Variants in CACNA2D1 observed in about 807,000 individuals in gnomAD.
CACNA2D1 encodes the protein voltage-dependent calcium channel subunit alpha-2/delta-1.
CACNA2D1 carries 53 observed loss-of-function variants against 171.5 expected under a neutral mutation model. The observed-to-expected ratio is 0.31, with a 90% CI of 0.25 to 0.39. CACNA2D1 has a LOEUF of 0.39. Among genes scored for constraint, CACNA2D1 ranks in the 10% least tolerant of loss-of-function variants. The pLI, the probability that CACNA2D1 is intolerant of heterozygous loss-of-function variation, is 1.00. For missense variants in CACNA2D1, 903 were observed against 1,299.8 expected, an observed-to-expected ratio of 0.69 and a Z score of 4.69; for synonymous variants, 442 against 443.1, an observed-to-expected ratio of 1.00 and a Z score of 0.03.
intron 4 of CACNA2D1, among the ~76,000 whole-genome samples, chr7:82,167,537 G>A (rs3801725): frequency 0.28 from 42,726 of 151,830 alleles, 6,089 homozygotes; most frequent in Middle Eastern, 0.35. Flanking sequence ...TATTCTCCAA[G>A]CACAAAAACG....
At chr7:82,333,426 G>T (rs1183855623) in intron 3 of CACNA2D1, among the ~76,000 whole-genome samples, 1 of 152,036 alleles carries the variant, frequency 6.6e-6, no homozygotes, top group African/African-American at 2.4e-5. Flanking sequence ...CTTCCACATG[G>T]CTGGGAAGGC....
At chr7:82,391,536 G>A (rs952267312) in intron 1 of CACNA2D1, among the ~76,000 whole-genome samples, 2 of 152,146 alleles carry the variant, frequency 1.3e-5, no homozygotes, top group Non-Finnish European at 2.9e-5. Context: ...ATAGGATATA[G>A]CCCAAAAATG....
chr7:82,366,600 AT>A (rs1454522407), intron 1 of CACNA2D1, among the ~76,000 whole-genome samples: 1 of 146,582 alleles, frequency 6.8e-6, no homozygotes, highest in Non-Finnish European at 1.5e-5. Context: ...CAGGTATCAC[AT>A]TTCTCTATCC....
chr7:82,185,427 A>T (rs66512672), intron 3 of CACNA2D1, among the ~76,000 whole-genome samples: 44,947 of 135,124 alleles, frequency 0.33, 8,129 homozygotes, highest in East Asian at 0.47. Flanking sequence ...TCAATAAGAA[A>T]AATAAATATC....
chr7:82,374,856 T>C (rs1409357950), intron 1 of CACNA2D1, among the ~76,000 whole-genome samples: 2 of 151,910 alleles, frequency 1.3e-5, no homozygotes, highest in African/African-American at 4.8e-5. Flanking sequence ...ATATGTAGAT[T>C]GTATCTGCTG....
intron 16 of CACNA2D1, among the ~76,000 whole-genome samples, chr7:82,006,981 CTT>C (rs1245448867): frequency 6.6e-6 from 1 of 152,014 alleles, no homozygotes; most frequent in Non-Finnish European, 1.5e-5. Context: ...TTAAAAAAGT[CTT>C]AACTTCAAAA....
Position 82,032,887 on chromosome 7 carries a change from T to C in CACNA2D1, c.1053A>G (p.Arg351=). The change falls in exon 12 of 39, where the codon AGA becomes AGG. Residue 351 remains arginine (R), a synonymous_variant. Coordinates refer to ENST00000356860, the MANE Select transcript of CACNA2D1 (RefSeq NM_000722.4). ...FEQLLNYNVS[R]ANCNKIIMLF... is the part of the protein sequence containing the mutation. ...GCATAATAATCTTATTGCAGTTTGC[T>C]CTGGAAACATTATACTGTTAAAAAC... 1 of 1,585,424 alleles carries C rather than the reference T, an allele frequency of 6.3e-7. No homozygotes were observed.
At chr7:82,358,679 T>A (rs986687784) in intron 1 of CACNA2D1, among the ~76,000 whole-genome samples, 1 of 151,936 alleles carries the variant, frequency 6.6e-6, no homozygotes, top group Admixed American at 6.6e-5. Flanking sequence ...TTCTGTTTTT[T>A]TTTTCTGCTC....
chr7:82,350,842 T>C (rs1166029152), intron 1 of CACNA2D1, among the ~76,000 whole-genome samples: 1 of 152,218 alleles, frequency 6.6e-6, no homozygotes, highest in Non-Finnish European at 1.5e-5. Context: ...TCATTACAAT[T>C]ATGATCGAAG....
chr7:82,378,132 G>A (rs1394281637), intron 1 of CACNA2D1, among the ~76,000 whole-genome samples: 1 of 152,102 alleles, frequency 6.6e-6, no homozygotes, highest in East Asian at 1.9e-4. Flanking sequence ...GTGTGGTGGC[G>A]CATGCTTGTA....
intron 7 of CACNA2D1, among the ~76,000 whole-genome samples, chr7:82,080,311 C>G (rs1234113107): frequency 3.3e-5 from 5 of 151,810 alleles, no homozygotes; most frequent in South Asian, 4.1e-4. Flanking sequence ...ATTTTATTTT[C>G]AATAGCTCTG....
intron 1 of CACNA2D1, among the ~76,000 whole-genome samples, chr7:82,394,266 T>A (rs75201738): frequency 3.3e-5 from 5 of 151,260 alleles, no homozygotes; most frequent in African/African-American, 1.2e-4. Context: ...ATAAATCTTA[T>A]AGAGCTTAGA....
At chr7:82,441,670 C>T (rs1490374127) in intron 1 of CACNA2D1, among the ~76,000 whole-genome samples, 1 of 151,996 alleles carries the variant, frequency 6.6e-6, no homozygotes, top group Non-Finnish European at 1.5e-5. Context: ...TGTAGTTTTC[C>T]CCAATGGTAT....
chr7:82,047,791 A>C (rs1367057291), intron 10 of CACNA2D1, among the ~76,000 whole-genome samples: 1 of 152,212 alleles, frequency 6.6e-6, no homozygotes, highest in African/African-American at 2.4e-5. Flanking sequence ...CATATGTAAA[A>C]TATCAGGTGA....
chr7:82,048,286 A>T (rs191895692), intron 10 of CACNA2D1, among the ~76,000 whole-genome samples: 2 of 152,304 alleles, frequency 1.3e-5, no homozygotes, highest in Admixed American at 1.3e-4. Context: ...GGTAAAGAAG[A>T]TACCTATCAA....
chr7:82,208,366 T>C (rs2129219884), intron 3 of CACNA2D1, among the ~76,000 whole-genome samples: 1 of 152,278 alleles, frequency 6.6e-6, no homozygotes, highest in South Asian at 2.1e-4. Flanking sequence ...CTATAGAATT[T>C]ACATTAAAAA....
At chr7:82,400,094 G>C (rs1424863072) in intron 1 of CACNA2D1, among the ~76,000 whole-genome samples, 3 of 150,590 alleles carry the variant, frequency 2.0e-5, no homozygotes, top group Non-Finnish European at 4.4e-5. Flanking sequence ...ATGCTGTTTT[G>C]GTTACTGTAG....
chr7:82,123,307 A>C (rs1458802065), intron 5 of CACNA2D1, among the ~76,000 whole-genome samples: 1 of 152,182 alleles, frequency 6.6e-6, no homozygotes, highest in Admixed American at 6.5e-5. Context: ...CATGGTAAAC[A>C]TCACTGGGAA....
chr7:82,335,260 A>AAT lies in CACNA2D1; in HGVS notation c.178-10_178-9insAT. 1.4e-6 allele frequency: 2 copies of AAT among 1,480,024 alleles called. No individual in the cohort carries two copies. The highest frequency in any genetic ancestry group is 9.4e-7 in the Non-Finnish European group (1 of 1,060,682). 91.7% of individuals were successfully genotyped at this position (1,480,024 alleles called of 1,614,324 possible). A position where few individuals can be genotyped will look rare whatever the true frequency, so the allele number is the denominator to read the frequency against. ...TGATATTTCTCATAAATCTGTGTGAAAGAAAAAAAAAACTAGTAAGAACAA... is the reference window on the plus strand; with the variant it reads ...TGATATTTCTCATAAATCTGTGTGAAATAGAAAAAAAAAACTAGTAAGAACAA... On this transcript the variant is annotated splice_polypyrimidine_tract_variant and intron_variant, in intron 2 of 38. Transcript: ENST00000356860.
Sources: allele counts gnomAD v4.1 joint callset (sites outside exome capture counted in the v4.1 genomes callset), GRCh38; gene constraint gnomAD v4.1.1; transcripts MANE v1.5; gene names NCBI Gene and HGNC (gene_info 2026-07-23, HGNC 2026-07-21).